Variants in PABPC1L observed in about 807,000 individuals in gnomAD.
PABPC1L encodes polyadenylate-binding protein 1-like.
A neutral mutation model predicts 66.6 loss-of-function variants in PABPC1L; 31 were observed. The ratio of observed to expected loss-of-function variants is 0.47; its 90% confidence interval spans 0.35 to 0.63. PABPC1L has a LOEUF of 0.63. Ranked by LOEUF, PABPC1L falls within the 20% of genes least tolerant of loss-of-function variation. PABPC1L has a pLI of 0.00. For missense variants in PABPC1L, 722 were observed against 848.8 expected, an observed-to-expected ratio of 0.85 and a Z score of 1.86; for synonymous variants, 348 against 335.1, an observed-to-expected ratio of 1.04 and a Z score of -0.42.
intron 7 of PABPC1L, among the ~76,000 whole-genome samples, chr20:44,927,213 A>T (rs1289248480): frequency 6.6e-6 from 1 of 152,076 alleles, no homozygotes; most frequent in African/African-American, 2.4e-5. Context: ...AAAAATAATT[A>T]TGAAAATTAA....
At chr20:44,929,161 C>T (rs1055806900) in intron 7 of PABPC1L, among the ~76,000 whole-genome samples, 5 of 151,650 alleles carry the variant, frequency 3.3e-5, no homozygotes, top group Admixed American at 1.3e-4. Context: ...ACTTGAGAGG[C>T]TGAGGCAGGA....
At position 44,921,636 on chromosome 20, in the gene PABPC1L, C is replaced by A; in HGVS notation, c.781C>A (p.Leu261Met). The part of the protein sequence containing the change: ...MNGKEVSGRL[L>M]YAGRAQKRVE... ...CGGGAAGGAGGTGAGCGGGCGGCTGCTGTACGCGGGCCGGGCCCAAAAGCG... is the reference window on the plus strand; with the variant it reads ...CGGGAAGGAGGTGAGCGGGCGGCTGATGTACGCGGGCCGGGCCCAAAAGCG... Residue 261 changes from leucine to methionine, a missense_variant, in exon 6 of 15, where the codon CTG (leucine) becomes ATG (methionine). By Grantham distance (15) the Leu-to-Met change is conservative. Transcript: ENST00000217073. 6.2e-7 allele frequency: 1 copy of A among 1,614,016 alleles called. No homozygotes were observed. Among genetic ancestry groups the A allele is most frequent in the Non-Finnish European group, 8.5e-7 (1 of 1,179,972 alleles).
chr20:44,924,907 A>T (rs952718547), intron 7 of PABPC1L, among the ~76,000 whole-genome samples: 293 of 145,052 alleles, frequency 2.0e-3, no homozygotes, highest in Middle Eastern at 0.014. Flanking sequence ...TGGGCTTTTT[A>T]TTTTTTTTTT....
chr20:44,930,338 C>A (rs1240863525), intron 7 of PABPC1L, 122 bp from the exon 8 acceptor site: 21 of 1,324,266 alleles, frequency 1.6e-5, no homozygotes, highest in Non-Finnish European at 2.2e-5. Context: ...TACATCCCTC[C>A]ATCACAGCTT....
At position 44,937,354 on chromosome 20, in the gene PABPC1L, C is replaced by T. The variant is rs111380739; in HGVS notation, c.1660+624C>T. Among the ~76,000 whole-genome samples, 1,406 of 151,878 alleles carry T rather than the reference C, an allele frequency of 9.3e-3. 29 individuals carry two copies. Among genetic ancestry groups the T allele is most frequent in the African/African-American group, 0.033 (1,350 of 41,398 alleles). On this transcript the variant is annotated intron_variant, in intron 12 of 14. Transcript: ENST00000217073. ...TTACTGAAGGCCCCCATTACCACTGCCCCATTGTTTCCTCAGCTTACTTAG... is the reference window on the plus strand; with the variant it reads ...TTACTGAAGGCCCCCATTACCACTGTCCCATTGTTTCCTCAGCTTACTTAG...
At chr20:44,926,918 C>G (rs1321171832) in intron 7 of PABPC1L, among the ~76,000 whole-genome samples, 1 of 151,968 alleles carries the variant, frequency 6.6e-6, no homozygotes, top group Non-Finnish European at 1.5e-5. Context: ...TTCTGTTGCC[C>G]AGGCTGGAGG....
At position 44,910,301 on chromosome 20, in the gene PABPC1L, G is replaced by A; in HGVS notation, c.158G>A (p.Gly53Asp). The A allele has an allele frequency of 6.5e-7, 1 of 1,540,926 alleles. No individual in the cohort carries two copies. Among genetic ancestry groups the A allele is most frequent in the Non-Finnish European group, 8.8e-7 (1 of 1,140,684 alleles). Residue 53 changes from glycine to aspartate, a missense_variant, in exon 1 of 15, where the codon GGC becomes GAC. Physicochemically the swap from Gly to Asp is moderately conservative, Grantham distance 94. This residue lies in a region of PABPC1L where 284 missense variants were observed against 294.8 expected (regional missense o/e 0.96). Coordinates refer to ENST00000217073, the MANE Select transcript of PABPC1L (RefSeq NM_001372179.1). ...CRDVATRRSL[G>D]YAYINFQQPA... ...GATGTAGCCACCCGGCGCTCGCTGG[G>A]CTACGCCTACATCAACTTCCAGCAG...
chr20:44,931,146 C>T (rs1227455137), intron 8 of PABPC1L, among the ~76,000 whole-genome samples: 2 of 131,956 alleles, frequency 1.5e-5, no homozygotes, highest in Admixed American at 7.6e-5. Context: ...TGAGCAATGG[C>T]GTGATCATGG....
rs749880128 is a variant in PABPC1L at position 44,912,782 on chromosome 20, C to G, written c.316C>G (p.Leu106Val). ...TGTGGGCAACATCTTCATCAAGAAC[C>G]TGGAGGACTCCATTGACAACAAGGC... is the stretch of plus-strand genomic sequence containing the variant. Reference protein sequence around the residue: ...SGVGNIFIKNLEDSIDNKALY... With the variant: ...SGVGNIFIKNVEDSIDNKALY... Residue 106 changes from leucine (L) to valine (V), a missense_variant, in exon 2 of 15, where the codon CTG (leucine) becomes GTG (valine). Physicochemically the swap from Leu to Val is conservative, Grantham distance 32. Coordinates refer to ENST00000217073, the MANE Select transcript of PABPC1L (RefSeq NM_001372179.1). The G allele has an allele frequency of 3.0e-5, 48 of 1,614,072 alleles. 2 individuals carry two copies. In the South Asian group the frequency reaches 4.7e-4, roughly 16 times the overall value.
At chr20:44,925,236 C>T (rs2066801891) in intron 7 of PABPC1L, among the ~76,000 whole-genome samples, 1 of 147,326 alleles carries the variant, frequency 6.8e-6, no homozygotes, top group Non-Finnish European at 1.5e-5. Flanking sequence ...AAAAAGCGCC[C>T]AGATGGTTTT....
chr20:44,930,620 T>C lies in PABPC1L; in HGVS notation c.1133T>C (p.Leu378Ser), dbSNP rs1048102523. ...AQRKEERKAILTNQYMQRLST... is the reference protein window; with the variant it reads ...AQRKEERKAISTNQYMQRLST... ...CGCAAAGAGGAGCGGAAGGCCATCTTGACCAACCAGTACATGCAGCGCCTC... is the reference window on the plus strand; with the variant it reads ...CGCAAAGAGGAGCGGAAGGCCATCTCGACCAACCAGTACATGCAGCGCCTC... The change falls in exon 8 of 15, where the codon TTG becomes TCG. Residue 378 changes from leucine to serine, a missense_variant. Leu to Ser is a moderately radical substitution (Grantham distance 145, BLOSUM62 -2). Transcript: ENST00000217073. 1 of 1,614,130 alleles carries C rather than the reference T, an allele frequency of 6.2e-7. No homozygotes were observed. Among genetic ancestry groups the C allele is most frequent in the Non-Finnish European group, 8.5e-7 (1 of 1,180,056 alleles).
chr20:44,915,370 T>C (rs982893358), intron 2 of PABPC1L, among the ~76,000 whole-genome samples: 1 of 152,066 alleles, frequency 6.6e-6, no homozygotes, highest in Non-Finnish European at 1.5e-5. Context: ...AGTGGGGGGT[T>C]AGTGGTCTTT....
chr20:44,932,626 C>A, intron 9 of PABPC1L, 194 bp downstream of exon 9: 1 of 529,534 alleles, frequency 1.9e-6, no homozygotes, highest in Non-Finnish European at 3.3e-6. Flanking sequence ...AGTGGTGAGC[C>A]AATGGAAGAC....
chr20:44,925,772 A>G (rs967554768), intron 7 of PABPC1L, among the ~76,000 whole-genome samples: 4 of 152,226 alleles, frequency 2.6e-5, no homozygotes, highest in African/African-American at 4.8e-5. Context: ...AGTAAATTTG[A>G]TTACACATCA....
At chr20:44,931,170 C>CCCTCCCTT (rs1183705484) in intron 8 of PABPC1L, among the ~76,000 whole-genome samples, 17 of 136,148 alleles carry the variant, frequency 1.2e-4, no homozygotes, top group Middle Eastern at 3.8e-3. Flanking sequence ...CTTCCTTCTT[C>CCCTCCCTT]CCTCCCTTCC....
Position 44,936,674 on chromosome 20 carries a change from C to G in PABPC1L, c.1604C>G (p.Pro535Arg), listed in dbSNP as rs1181145074. ...GCTGTGCACATCCCAGGACAGGAGC[C>G]CCTGACCGCGTCCATGCTGGCTGCG... ...EPAVHIPGQE[P>R]LTASMLAAAP... Residue 535 changes from proline (P) to arginine (R), a missense_variant, in exon 12 of 15, where the codon CCC becomes CGC. Around this residue, in one of 3 missense-constraint regions of PABPC1L, gnomAD observed 301 missense variants for 337.2 expected, o/e 0.89. Coordinates refer to ENST00000217073, the MANE Select transcript of PABPC1L (RefSeq NM_001372179.1). 2 of 1,607,376 alleles carry G rather than the reference C, an allele frequency of 1.2e-6. No homozygotes were observed.
Position 44,919,011 on chromosome 20 carries a change from C to T in PABPC1L, c.609C>T (p.Asp203=), listed in dbSNP as rs1227408363. The stretch of plus-strand genomic sequence containing the variant: ...TGAAGAACCTCCCGGTGGATGTGGA[C>T]GAGCAAGGCCTGCAGGACCTCTTCT... ...IYVKNLPVDV[D]EQGLQDLFSQ... The change falls in exon 4 of 15, where the codon GAC becomes GAT. Residue 203 remains aspartate, a synonymous_variant. Transcript: ENST00000217073. 3.1e-6 allele frequency: 5 copies of T among 1,613,112 alleles called. No individual in the cohort carries two copies. Among genetic ancestry groups the T allele is most frequent in the African/African-American group, 1.3e-5 (1 of 74,904 alleles).
intron 2 of PABPC1L, among the ~76,000 whole-genome samples, chr20:44,916,044 A>G (rs1327306813): frequency 2.0e-5 from 3 of 151,976 alleles, no homozygotes; most frequent in Non-Finnish European, 2.9e-5. Flanking sequence ...CATGTAACCT[A>G]CCACATTCTC....
chr20:44,920,212 G>A (rs1477154591), intron 5 of PABPC1L, among the ~76,000 whole-genome samples: 1 of 151,656 alleles, frequency 6.6e-6, no homozygotes, highest in African/African-American at 2.4e-5. Context: ...TAGAGTCTAG[G>A]GGTTTGGACA....
Sources: gnomAD v4.1 joint callset for allele counts (sites outside exome capture counted in the v4.1 genomes callset) on GRCh38, gnomAD v4.1.1 for gene constraint, gnomAD v4.1.1 regional missense constraint, MANE v1.5 for transcripts, NCBI Gene and HGNC (gene_info 2026-07-23, HGNC 2026-07-21) for gene names.